The following SEPTIN14 variants were observed in gnomAD, a reference collection of about 807,000 sequenced individuals.
SEPTIN14 encodes the protein septin 14.
Under a neutral mutation model 53.6 loss-of-function variants are expected in SEPTIN14, and 40 were observed. That is an observed-to-expected ratio of 0.75 (90% CI 0.58 to 0.97). SEPTIN14 has a LOEUF of 0.97. SEPTIN14 is among the 50% of genes least tolerant of loss of function. The pLI is 0.00. For synonymous variants in SEPTIN14, 138 were observed against 166.8 expected (o/e 0.83, Z 1.33); for missense variants, 471 against 508.2 (o/e 0.93, Z 0.70).
At chr7:55,859,253 T>C (rs947668094) in intron 2 of SEPTIN14, among the ~76,000 whole-genome samples, 5 of 152,210 alleles carry the variant, frequency 3.3e-5, no homozygotes, top group East Asian at 1.9e-4. Context: ...TTAGGTCTTT[T>C]ATCTATTTTG....
chr7:55,828,762 G>A (rs1459152294), intron 6 of SEPTIN14, among the ~76,000 whole-genome samples: 1 of 152,100 alleles, frequency 6.6e-6, no homozygotes, highest in Non-Finnish European at 1.5e-5. Flanking sequence ...GCTTCTTTCA[G>A]AGTATTTTCC....
chr7:55,836,610 TGCCTGTAATCCCA>T (rs2116036922), intron 5 of SEPTIN14, among the ~76,000 whole-genome samples: 1 of 152,148 alleles, frequency 6.6e-6, no homozygotes, highest in South Asian at 2.1e-4. Context: ...TGTTGGCTCA[TGCCTGTAATCCCA>T]GCTACTCAGG....
Position 55,847,228 on chromosome 7 carries a change from A to G in SEPTIN14, c.55-591T>C, listed in dbSNP as rs149875227. Among the ~76,000 whole-genome samples, 425 of 152,222 alleles carry G rather than the reference A, an allele frequency of 2.8e-3. 5 individuals carry two copies. Among genetic ancestry groups the G allele is most frequent in the Middle Eastern group, 0.01 (3 of 294 alleles). ...GTCTCAAAAAATTAATTAATTAATT[A>G]AATAGGGAATTAAGGAAATACTACA... On this transcript the variant is annotated intron_variant, in intron 2 of 9. Coordinates refer to ENST00000388975, the MANE Select transcript of SEPTIN14 (RefSeq NM_207366.3).
At chr7:55,828,299 C>CT (rs35052627) in intron 6 of SEPTIN14, among the ~76,000 whole-genome samples, 30,926 of 129,806 alleles carry the variant, frequency 0.24, 5,564 homozygotes, top group African/African-American at 0.5. Flanking sequence ...CAGATGAAAG[C>CT]TTTTTTTTTT....
chr7:55,828,466 G>A (rs186137709), intron 6 of SEPTIN14, among the ~76,000 whole-genome samples: 15 of 152,082 alleles, frequency 9.9e-5, no homozygotes, highest in Admixed American at 3.3e-4. Context: ...TACCACGCCC[G>A]GCTAATTTTT....
At chr7:55,852,894 T>A (rs1562720658) in intron 2 of SEPTIN14, among the ~76,000 whole-genome samples, 1 of 152,192 alleles carries the variant, frequency 6.6e-6, no homozygotes, top group Non-Finnish European at 1.5e-5. Flanking sequence ...AATACACTTG[T>A]CTCAAAAGAA....
At chr7:55,812,173 A>C (rs1788715461) in intron 7 of SEPTIN14, among the ~76,000 whole-genome samples, 1 of 152,208 alleles carries the variant, frequency 6.6e-6, no homozygotes, top group Non-Finnish European at 1.5e-5. Flanking sequence ...TTTCAGCATT[A>C]TTCACAATAG....
Position 55,834,641 on chromosome 7 carries a change from TG to T in SEPTIN14, c.559-56del. ...ATCATTGTTCATCTCACAGTTTTTTTGTTTTTTGTTTTTTGTTTTGAGACGG... is the reference window on the plus strand; with the variant it reads ...ATCATTGTTCATCTCACAGTTTTTTTTTTTTTGTTTTTTGTTTTGAGACGG... On this transcript the variant is annotated intron_variant, in intron 5 of 9. Transcript: ENST00000388975. 3 of 1,386,514 alleles carry T rather than the reference TG, an allele frequency of 2.2e-6. No homozygotes were observed. In the South Asian group the frequency reaches 4.1e-5, roughly 19 times the overall value. 85.9% of individuals were successfully genotyped at this position (1,386,514 alleles called of 1,614,324 possible).
Position 55,819,165 on chromosome 7 carries a change from A to C in SEPTIN14, c.779T>G (p.Met260Arg). 1 of 1,587,204 alleles carries C rather than the reference A, an allele frequency of 6.3e-7. No individual in the cohort carries two copies. Among genetic ancestry groups the C allele is most frequent in the Non-Finnish European group, 8.6e-7 (1 of 1,165,910 alleles). The change falls in exon 7 of 10, where the codon ATG (methionine) becomes AGG (arginine). Residue 260 changes from methionine (M) to arginine (R), a missense_variant. Coordinates refer to ENST00000388975, the MANE Select transcript of SEPTIN14 (RefSeq NM_207366.3). ...STDEVKVGKR[M>R]VRGRHYPWGV... The stretch of plus-strand genomic sequence containing the variant: ...CCAAGGGTAGTGACGGCCTCTGACC[A>C]TCCTTTTTCCAACTTTCACTTCATC...
At chr7:55,835,348 G>A (rs1319656973) in intron 5 of SEPTIN14, among the ~76,000 whole-genome samples, 6 of 151,470 alleles carry the variant, frequency 4.0e-5, no homozygotes, top group Non-Finnish European at 7.4e-5. Flanking sequence ...GACTACAGGC[G>A]CCCACCACCA....
chr7:55,818,762 ACACTAG>A (rs1313625113), intron 7 of SEPTIN14, among the ~76,000 whole-genome samples: 2 of 152,206 alleles, frequency 1.3e-5, no homozygotes, highest in Non-Finnish European at 2.9e-5. Context: ...ACATGTCTAC[ACACTAG>A]TATTTTTGCT....
At chr7:55,849,850 A>C (rs567724153) in intron 2 of SEPTIN14, among the ~76,000 whole-genome samples, 7 of 152,324 alleles carry the variant, frequency 4.6e-5, no homozygotes, top group African/African-American at 1.4e-4. Flanking sequence ...AAATTAGACT[A>C]CTGTGAACAC....
At chr7:55,855,073 A>G (rs1321292696) in intron 2 of SEPTIN14, among the ~76,000 whole-genome samples, 2 of 148,432 alleles carry the variant, frequency 1.3e-5, no homozygotes, top group African/African-American at 5.0e-5. Context: ...CAGTGGCACT[A>G]TCTCGGCTCA....
intron 6 of SEPTIN14, among the ~76,000 whole-genome samples, chr7:55,830,349 A>ATATTTTTTTTTTTTTTTTTT (rs71015108): frequency 5.3e-5 from 3 of 56,854 alleles, no homozygotes; most frequent in African/African-American, 3.0e-4. Context: ...ATATATATAT[A>ATATTTTTTTTTTTTTTTTTT]TTTTTTTTTT....
intron 6 of SEPTIN14, among the ~76,000 whole-genome samples, chr7:55,824,924 A>G (rs540834572): frequency 4.0e-5 from 6 of 151,370 alleles, no homozygotes; most frequent in Non-Finnish European, 8.8e-5. Context: ...CAGTAACCAC[A>G]TCGTAAGACT....
intron 2 of SEPTIN14, among the ~76,000 whole-genome samples, chr7:55,851,278 TA>T (rs1158238109): frequency 6.6e-6 from 1 of 152,182 alleles, no homozygotes; most frequent in Non-Finnish European, 1.5e-5. Flanking sequence ...CTGACATCCC[TA>T]AAACTTTCCC....
chr7:55,860,218 T>C (rs1312345481), intron 2 of SEPTIN14, among the ~76,000 whole-genome samples: 1 of 148,814 alleles, frequency 6.7e-6, no homozygotes, highest in Non-Finnish European at 1.5e-5. Context: ...CACAAAAAAA[T>C]GAAAACCTGT....
At chr7:55,862,339 G>A (rs958363941) in intron 1 of SEPTIN14, among the ~76,000 whole-genome samples, 2 of 151,902 alleles carry the variant, frequency 1.3e-5, no homozygotes, top group East Asian at 1.9e-4. Flanking sequence ...AGAAAGGAAA[G>A]TAGAAAATTT....
At position 55,795,706 on chromosome 7, in the gene SEPTIN14, G is replaced by A; in HGVS notation, c.*207C>T. The A allele has an allele frequency of 1.8e-6, 1 of 546,542 alleles. No individual in the cohort carries two copies. Among genetic ancestry groups the A allele is most frequent in the Non-Finnish European group, 3.2e-6 (1 of 308,404 alleles). 33.9% of individuals were successfully genotyped at this position (546,542 alleles called of 1,614,324 possible). A position where few individuals can be genotyped will look rare whatever the true frequency, so the allele number is the denominator to read the frequency against. On this transcript the variant is annotated 3_prime_UTR_variant, in exon 10 of 10. Transcript: ENST00000388975. ...TGGTTTTGAACTCCTGACCTCAGGT[G>A]GTCCACCCGCCTCAGCCTCCCAAAG...
Sources: allele counts gnomAD v4.1 joint callset (sites outside exome capture counted in the v4.1 genomes callset), GRCh38; gene constraint gnomAD v4.1.1; transcripts MANE v1.5; gene names NCBI Gene and HGNC (gene_info 2026-07-23, HGNC 2026-07-21).